PCBP3: variants seen among roughly 807,000 people sequenced by gnomAD.
PCBP3 encodes poly(rC) binding protein 3.
Under a neutral mutation model 52.7 loss-of-function variants are expected in PCBP3, and 25 were observed. That is an observed-to-expected ratio of 0.47 (90% confidence interval 0.35 to 0.66). The LOEUF (loss-of-function observed/expected upper bound fraction) is 0.66. Among genes scored for constraint, PCBP3 ranks in the 30% least tolerant of loss-of-function variants. The pLI is 0.01. For missense variants in PCBP3, 391 were observed against 490.3 expected, an observed-to-expected ratio of 0.80 and a Z score of 1.91; for synonymous variants, 162 against 183.0, an observed-to-expected ratio of 0.89 and a Z score of 0.93.
Position 45,917,403 on chromosome 21 carries a change from C to T in PCBP3, c.676-185C>T, listed in dbSNP as rs960216457. On this transcript the variant is annotated intron_variant, in intron 12 of 17. Transcript: ENST00000681687. The surrounding 1 kb of genome is among the most constrained non-coding windows in gnomAD (Gnocchi z 5.3). Reference sequence around the variant, plus strand: ...TCTGCCCGCCCAGAGGAAGTGGGTGCGGCTCCCCTGGGGCTCCTGGTGCCC... The same window carrying T: ...TCTGCCCGCCCAGAGGAAGTGGGTGTGGCTCCCCTGGGGCTCCTGGTGCCC... 3.6e-5 allele frequency: 17 copies of T among 470,462 alleles called. No individual in the cohort carries two copies. Among genetic ancestry groups the T allele is most frequent in the South Asian group, 1.1e-4 (5 of 47,466 alleles). The allele number at this position is 470,462 out of a possible 1,614,324, so 29.1% of individuals were successfully genotyped here. A position where few individuals can be genotyped will look rare whatever the true frequency, so the allele number is the denominator to read the frequency against.
At chr21:45,870,683 A>G (rs1190330780) in intron 5 of PCBP3, among the ~76,000 whole-genome samples, 1 of 152,192 alleles carries the variant, frequency 6.6e-6, no homozygotes, top group African/African-American at 2.4e-5. Context: ...CAGAGGGTCC[A>G]AACCCTACTG....
At position 45,805,097 on chromosome 21, in the gene PCBP3, G is replaced by A. The variant is rs945400623; in HGVS notation, c.-125-44864G>A. On this transcript the variant is annotated intron_variant, in intron 4 of 17. Transcript: ENST00000681687. This position sits in a 1 kb window ranked among gnomAD's most constrained non-coding sequence, Gnocchi z 4.6. ...AGCCGTGCAGCCCCAGGCCGTGTGT[G>A]GGAAGGCCTGTGCCACTCTGGGCAT... 1.3e-5 allele frequency among the ~76,000 whole-genome samples: 2 copies of A among 152,222 alleles called. No individual in the cohort carries two copies. The highest frequency in any genetic ancestry group is 2.9e-5 in the Non-Finnish European group (2 of 68,036).
intron 13 of PCBP3, among the ~76,000 whole-genome samples, chr21:45,920,735 A>T (rs1358268111): frequency 2.6e-5 from 4 of 152,106 alleles, no homozygotes; most frequent in African/African-American, 9.7e-5. Context: ...CCTCCCCTCC[A>T]TCCCTCCTGT....
chr21:45,775,441 A>G (rs2090182577), intron 4 of PCBP3, among the ~76,000 whole-genome samples: 1 of 152,072 alleles, frequency 6.6e-6, no homozygotes, highest in African/African-American at 2.4e-5. Context: ...TTTTAGAAAC[A>G]GGGTCTCACT....
At chr21:45,742,533 G>C (rs1369481188) in intron 3 of PCBP3, among the ~76,000 whole-genome samples, 6 of 152,166 alleles carry the variant, frequency 3.9e-5, no homozygotes, top group African/African-American at 1.4e-4. Flanking sequence ...CTGATCTGTA[G>C]CATTTTGGGT....
intron 5 of PCBP3, among the ~76,000 whole-genome samples, chr21:45,884,127 G>A (rs1393651832): frequency 6.6e-6 from 1 of 152,114 alleles, no homozygotes; most frequent in Admixed American, 6.5e-5. Flanking sequence ...GTAGAGACTA[G>A]GTATTCCTGT....
intron 1 of PCBP3, among the ~76,000 whole-genome samples, chr21:45,666,075 A>T (rs531503018): frequency 6.6e-6 from 1 of 152,314 alleles, no homozygotes; most frequent in East Asian, 1.9e-4. Context: ...TCATCTTTTC[A>T]TGAAAAAATC....
At chr21:45,894,052 G>T (rs2095756367) in intron 5 of PCBP3, 3 of 984,922 alleles carry the variant, frequency 3.0e-6, no homozygotes, top group Non-Finnish European at 3.6e-6. Context: ...AGTGGTTGAT[G>T]CCTCGTCCAC....
At chr21:45,658,341 T>G (rs1384682632) in intron 1 of PCBP3, among the ~76,000 whole-genome samples, 1 of 152,210 alleles carries the variant, frequency 6.6e-6, no homozygotes, top group East Asian at 1.9e-4. Context: ...TCTCACTTTG[T>G]CACCCAGGCT....
intron 4 of PCBP3, among the ~76,000 whole-genome samples, chr21:45,790,503 C>A (rs972591301): frequency 6.6e-6 from 1 of 152,066 alleles, no homozygotes; most frequent in Admixed American, 6.5e-5. Flanking sequence ...CCTGATTGGT[C>A]CCTCCATGAT....
At chr21:45,714,013 G>A (rs115829378) in intron 2 of PCBP3, among the ~76,000 whole-genome samples, 295 of 152,276 alleles carry the variant, frequency 1.9e-3, no homozygotes, top group African/African-American at 6.9e-3. Context: ...GAATATAAAC[G>A]TTGTACACTT....
intron 10 of PCBP3, among the ~76,000 whole-genome samples, chr21:45,910,614 AAG>A (rs2096368558): frequency 6.6e-6 from 1 of 152,128 alleles, no homozygotes; most frequent in African/African-American, 2.4e-5. Context: ...TGTATTTGAA[AAG>A]AGTCGTTTGT....
At chr21:45,898,297 AC>A (rs2095885511) in intron 6 of PCBP3, among the ~76,000 whole-genome samples, 3 of 60,858 alleles carry the variant, frequency 4.9e-5, no homozygotes, top group East Asian at 1.1e-3. Context: ...CCCTCTGCAC[AC>A]CGTCCTCACA....
rs541603046 is a variant in PCBP3 at position 45,771,211 on chromosome 21, T to A, written c.-126+15759T>A. On this transcript the variant is annotated intron_variant, in intron 4 of 17. Coordinates refer to ENST00000681687, the MANE Select transcript of PCBP3 (RefSeq NM_001384156.1). ...AGGATTTGAATATTGTAACATTAAG[T>A]TTTTTGCATGTTTATGTCCAGTAGA... is the stretch of plus-strand genomic sequence containing the variant. 2.0e-5 allele frequency among the ~76,000 whole-genome samples: 3 copies of A among 152,180 alleles called. No individual in the cohort carries two copies. The East Asian group carries it at 5.8e-4, about 29-fold the overall frequency.
Position 45,901,127 on chromosome 21 carries a change from C to T in PCBP3, c.339+14C>T, listed in dbSNP as rs558613732. ...AAGTTTGAGGAGGTAACCTGCACCC[C>T]AGGCACCTCTGCCAGCCTGGCGGGG... On this transcript the variant is annotated intron_variant, in intron 9 of 17. Transcript: ENST00000681687. 52 of 1,561,338 alleles carry T rather than the reference C, an allele frequency of 3.3e-5. No individual in the cohort carries two copies. Among genetic ancestry groups the T allele is most frequent in the Non-Finnish European group, 3.1e-5 (35 of 1,132,580 alleles).
chr21:45,698,941 G>T (rs1477083426), intron 2 of PCBP3, among the ~76,000 whole-genome samples: 1 of 152,168 alleles, frequency 6.6e-6, no homozygotes, highest in Non-Finnish European at 1.5e-5. Context: ...CCTTTCTAAT[G>T]TTCTCCCAGC....
intron 16 of PCBP3, among the ~76,000 whole-genome samples, chr21:45,938,849 TCTC>T (rs1569513268): frequency 6.6e-6 from 1 of 152,090 alleles, no homozygotes; most frequent in Non-Finnish European, 1.5e-5. Flanking sequence ...ACACCATAGG[TCTC>T]CTCAGGGACA....
chr21:45,716,095 A>G (rs1015967006), intron 2 of PCBP3, among the ~76,000 whole-genome samples: 4 of 152,146 alleles, frequency 2.6e-5, no homozygotes, highest in Non-Finnish European at 2.9e-5. Flanking sequence ...AAGAGCTTCA[A>G]TAGGTTTAGT....
Position 45,884,654 on chromosome 21 carries a change from A to G in PCBP3, c.11-11554A>G, listed in dbSNP as rs191924495. 1.2e-3 allele frequency among the ~76,000 whole-genome samples: 178 copies of G among 152,168 alleles called. 1 individual carries two copies. Among genetic ancestry groups the G allele is most frequent in the Non-Finnish European group, 1.3e-3 (89 of 67,992 alleles). ...TGGCTCACTGCAGCCTCGACTAACC[A>G]GGCTCCAGCCGTCCTCCCACCTCAG... On this transcript the variant is annotated intron_variant, in intron 5 of 17. Coordinates refer to ENST00000681687, the MANE Select transcript of PCBP3 (RefSeq NM_001384156.1).
Sources: allele counts gnomAD v4.1 joint callset (sites outside exome capture counted in the v4.1 genomes callset), GRCh38; gene constraint gnomAD v4.1.1; non-coding constraint Gnocchi (gnomAD v3.1); transcripts MANE v1.5; gene names NCBI Gene and HGNC (gene_info 2026-07-23, HGNC 2026-07-21).